Variants in ABCC4 observed in about 807,000 individuals in gnomAD.
ABCC4 encodes the protein ATP-binding cassette sub-family C member 4.
ABCC4 carries 102 observed loss-of-function variants against 168.5 expected under a neutral mutation model. The ratio of observed to expected loss-of-function variants is 0.61; its 90% CI spans 0.52 to 0.71. The LOEUF (loss-of-function observed/expected upper bound fraction) is 0.71. ABCC4 is among the 30% of genes least tolerant of loss of function. The pLI is 0.00. For missense variants in ABCC4, 1,402 were observed against 1,605.8 expected (o/e 0.87, Z 2.17); for synonymous variants, 617 against 590.7 (o/e 1.04, Z -0.65).
intron 19 of ABCC4, among the ~76,000 whole-genome samples, chr13:95,122,805 T>G (rs1302885486): frequency 7.1e-6 from 1 of 141,560 alleles, no homozygotes; most frequent in Non-Finnish European, 1.6e-5. Flanking sequence ...ATAACTGTGC[T>G]GCTTTTCTCA....
At chr13:95,265,279 C>T (rs1419739180) in intron 1 of ABCC4, among the ~76,000 whole-genome samples, 1 of 152,102 alleles carries the variant, frequency 6.6e-6, no homozygotes, top group Non-Finnish European at 1.5e-5. Context: ...GAAGGATATA[C>T]AGGAGTGGTA....
chr13:95,236,340 CA>C (rs1047057310), intron 3 of ABCC4, among the ~76,000 whole-genome samples: 4 of 151,510 alleles, frequency 2.6e-5, no homozygotes, highest in African/African-American at 9.7e-5. Context: ...CCTTGAAAAA[CA>C]ACTTTTCCTT....
intron 29 of ABCC4, among the ~76,000 whole-genome samples, chr13:95,040,330 C>T (rs1033576409): frequency 6.6e-6 from 1 of 152,178 alleles, no homozygotes. Context: ...CTCCCAGGTT[C>T]AAAAGCGTCT....
chr13:95,264,742 T>C (rs763952336), intron 1 of ABCC4, among the ~76,000 whole-genome samples: 1 of 152,316 alleles, frequency 6.6e-6, no homozygotes, highest in Middle Eastern at 3.4e-3. Context: ...AAACTGGTTA[T>C]GGAGTTTGAA....
At chr13:95,269,723 A>G (rs1300001517) in intron 1 of ABCC4, among the ~76,000 whole-genome samples, 1 of 152,210 alleles carries the variant, frequency 6.6e-6, no homozygotes, top group Non-Finnish European at 1.5e-5. Flanking sequence ...GAAGGTACAC[A>G]ATGTGATTTC....
chr13:95,095,959 A>G (rs1185415536), intron 20 of ABCC4: 2 of 394,244 alleles, frequency 5.1e-6, no homozygotes, highest in Non-Finnish European at 8.9e-6. Flanking sequence ...GCTTACCCAA[A>G]TGATATTTAA....
chr13:95,133,596 G>A (rs2036048057), intron 19 of ABCC4, among the ~76,000 whole-genome samples: 1 of 152,048 alleles, frequency 6.6e-6, no homozygotes, highest in Non-Finnish European at 1.5e-5. Flanking sequence ...GTCACCAACT[G>A]GTGAGAGAGA....
At chr13:95,210,617 CT>C in intron 5 of ABCC4, 74 bp downstream of exon 5, 1 of 1,279,658 alleles carries the variant, frequency 7.8e-7, no homozygotes, top group Admixed American at 1.8e-5. Flanking sequence ...GAGTGAGCCC[CT>C]GCCTCCAGAA....
chr13:95,064,310 A>ACACC (rs1458945951), intron 25 of ABCC4, among the ~76,000 whole-genome samples: 4 of 145,210 alleles, frequency 2.8e-5, no homozygotes, highest in Non-Finnish European at 4.5e-5. Context: ...ACACACACAC[A>ACACC]CCAATTGAAT....
chr13:95,136,829 C>T (rs964715149), intron 19 of ABCC4, among the ~76,000 whole-genome samples: 1 of 152,228 alleles, frequency 6.6e-6, no homozygotes, highest in Non-Finnish European at 1.5e-5. Context: ...GCCTGCCGAA[C>T]GCCCAGCCTG....
At chr13:95,209,053 C>CAT (rs4148474) in intron 6 of ABCC4, among the ~76,000 whole-genome samples, 98,960 of 151,936 alleles carry the variant, frequency 0.65, 32,322 homozygotes, top group African/African-American at 0.69. Context: ...CATATATACA[C>CAT]GTGAAAACAG....
At chr13:95,280,434 A>AAAAAG (rs1223554983) in intron 1 of ABCC4, among the ~76,000 whole-genome samples, 7 of 140,296 alleles carry the variant, frequency 5.0e-5, no homozygotes, top group African/African-American at 1.6e-4. Flanking sequence ...AAAAAAAAAA[A>AAAAAG]GGCCTAAGGC....
chr13:95,196,138 A>C (rs1004446657), intron 8 of ABCC4, among the ~76,000 whole-genome samples: 2 of 152,222 alleles, frequency 1.3e-5, no homozygotes, highest in Non-Finnish European at 2.9e-5. Flanking sequence ...GGCATAATTC[A>C]GTGAGAGAAG....
intron 4 of ABCC4, among the ~76,000 whole-genome samples, chr13:95,211,490 C>G (rs116248633): frequency 0.022 from 3,309 of 152,066 alleles, 117 homozygotes; most frequent in African/African-American, 0.071. Context: ...CAGGGGAGGC[C>G]TAGCTAGGAC....
chr13:95,167,428 C>A (rs151319941), intron 14 of ABCC4, among the ~76,000 whole-genome samples: 118 of 152,158 alleles, frequency 7.8e-4, no homozygotes, highest in African/African-American at 2.6e-3. Flanking sequence ...CAAAACAAAT[C>A]AAAGGAGAGC....
At chr13:95,240,307 G>A (rs1234561982) in intron 3 of ABCC4, among the ~76,000 whole-genome samples, 1 of 152,206 alleles carries the variant, frequency 6.6e-6, no homozygotes, top group East Asian at 1.9e-4. Context: ...TGAGGCAGGT[G>A]GACCACTTGA....
intron 29 of ABCC4, among the ~76,000 whole-genome samples, chr13:95,042,402 C>A (rs920875651): frequency 6.6e-6 from 1 of 152,130 alleles, no homozygotes; most frequent in African/African-American, 2.4e-5. Flanking sequence ...GAGGGCATGA[C>A]CGCAACAGTG....
At chr13:95,193,713 AC>A (rs1283379794) in intron 9 of ABCC4, among the ~76,000 whole-genome samples, 1 of 152,156 alleles carries the variant, frequency 6.6e-6, no homozygotes, top group Non-Finnish European at 1.5e-5. Context: ...TTTTTCAGTC[AC>A]CATGGATCCC....
In ABCC4 at chr13:95,112,855, T is replaced by C. The variant is rs549692792; in HGVS notation, c.2535+3067A>G. Among the ~76,000 whole-genome samples the C allele has an allele frequency of 3.6e-4, 55 of 152,258 alleles. No individual in the cohort carries two copies. In the East Asian group the frequency reaches 4.1e-3, roughly 11 times the overall value. ...CCCGTGATGTCAGCAGCATGTTTAT[T>C]ACCCATAGAACCTGATGACAGCCAC... On this transcript the variant is annotated intron_variant, in intron 20 of 30. Coordinates refer to ENST00000645237, the MANE Select transcript of ABCC4 (RefSeq NM_005845.5).
Sources: allele counts gnomAD v4.1 joint callset (sites outside exome capture counted in the v4.1 genomes callset), GRCh38; gene constraint gnomAD v4.1.1; transcripts MANE v1.5; gene names NCBI Gene and HGNC (gene_info 2026-07-23, HGNC 2026-07-21).